Variants in AFG2A observed in about 807,000 individuals in gnomAD.
AFG2A encodes ATPase family gene 2 protein homolog A.
the AFG2A span, among the ~76,000 whole-genome samples, chr4:123,115,962 C>T: frequency 6.6e-6 from 1 of 152,132 alleles, no homozygotes; most frequent in Non-Finnish European, 1.5e-5. Context: ...TTCAGTGGGG[C>T]AATCGTGGCT....
the AFG2A span, among the ~76,000 whole-genome samples, chr4:123,076,963 T>C: frequency 6.7e-6 from 1 of 148,594 alleles, no homozygotes; most frequent in South Asian, 2.2e-4. Flanking sequence ...CTGTGCTGTG[T>C]GTGTGTGTGT....
the AFG2A span, among the ~76,000 whole-genome samples, chr4:123,211,386 A>G: frequency 6.6e-6 from 1 of 152,108 alleles, no homozygotes; most frequent in Non-Finnish European, 1.5e-5. Context: ...GTGAGGTAGA[A>G]AAGGCCTTAG....
chr4:123,286,629 CT>C, the AFG2A span, among the ~76,000 whole-genome samples: 1 of 152,078 alleles, frequency 6.6e-6, no homozygotes, highest in African/African-American at 2.4e-5. Flanking sequence ...CAACATATTT[CT>C]GGAAAACAGA....
chr4:123,044,939 T>G, the AFG2A span, among the ~76,000 whole-genome samples: 2 of 152,050 alleles, frequency 1.3e-5, no homozygotes, highest in Non-Finnish European at 2.9e-5. Context: ...TTTTATGTTT[T>G]CTATCTTTTC....
chr4:123,313,654 T>C, the AFG2A span, among the ~76,000 whole-genome samples: 1 of 152,238 alleles, frequency 6.6e-6, no homozygotes, highest in Non-Finnish European at 1.5e-5. Context: ...TTGGCACTCC[T>C]GGTTCTGAGT....
At chr4:123,168,870 G>A in the AFG2A span, among the ~76,000 whole-genome samples, 1 of 152,170 alleles carries the variant, frequency 6.6e-6, no homozygotes, top group African/African-American at 2.4e-5. Flanking sequence ...CTAATTGTAG[G>A]TTATTGAGAT....
the AFG2A span, among the ~76,000 whole-genome samples, chr4:123,172,220 A>G: frequency 6.6e-6 from 1 of 152,208 alleles, no homozygotes; most frequent in Non-Finnish European, 1.5e-5. Flanking sequence ...CCTGGCTTCA[A>G]TGATAAACAA....
At chr4:122,952,648 A>C in the AFG2A span, among the ~76,000 whole-genome samples, 333 of 152,270 alleles carry the variant, frequency 2.2e-3, 1 homozygote, top group Non-Finnish European at 3.9e-3. Context: ...CGCAGTTTGA[A>C]AGCTGGAAAA....
chr4:123,272,753 G>A, the AFG2A span, among the ~76,000 whole-genome samples: 10 of 151,888 alleles, frequency 6.6e-5, no homozygotes, highest in African/African-American at 2.4e-4. Flanking sequence ...GTAGAGAACT[G>A]AAGTCAAAAT....
chr4:122,950,540 AT>A, the AFG2A span, among the ~76,000 whole-genome samples: 1 of 152,060 alleles, frequency 6.6e-6, no homozygotes, highest in Non-Finnish European at 1.5e-5. Flanking sequence ...AGGTTTCACT[AT>A]GTTGGGCAGG....
At chr4:123,187,040 G>T in the AFG2A span, among the ~76,000 whole-genome samples, 1 of 152,224 alleles carries the variant, frequency 6.6e-6, no homozygotes, top group African/African-American at 2.4e-5. Context: ...AGATACAAAG[G>T]GAAAGGCTTG....
the AFG2A span, among the ~76,000 whole-genome samples, chr4:122,967,728 C>T: frequency 2.6e-5 from 4 of 152,020 alleles, no homozygotes; most frequent in Admixed American, 1.3e-4. Context: ...GTCTTAAACT[C>T]GTGGCCTCAA....
At chr4:123,028,972 G>A in the AFG2A span, among the ~76,000 whole-genome samples, 11 of 152,148 alleles carry the variant, frequency 7.2e-5, no homozygotes, top group Admixed American at 4.6e-4. Context: ...TTAATTTTAT[G>A]TAACATTATG....
At chr4:123,227,582 G>A in the AFG2A span, among the ~76,000 whole-genome samples, 1 of 152,154 alleles carries the variant, frequency 6.6e-6, no homozygotes, top group Non-Finnish European at 1.5e-5. Flanking sequence ...GAGACAGTCT[G>A]TTATAATTTC....
chr4:123,162,608 A>C, the AFG2A span, among the ~76,000 whole-genome samples: 15 of 152,228 alleles, frequency 9.9e-5, no homozygotes, highest in African/African-American at 3.4e-4. Flanking sequence ...GTCTCAAATA[A>C]ATACAAAATA....
At chr4:123,071,953 A>G in the AFG2A span, among the ~76,000 whole-genome samples, 1 of 152,198 alleles carries the variant, frequency 6.6e-6, no homozygotes, top group African/African-American at 2.4e-5. Context: ...TAAATAAGGA[A>G]CTTTTATTTT....
At chr4:123,117,654 C>G in the AFG2A span, among the ~76,000 whole-genome samples, 5 of 151,676 alleles carry the variant, frequency 3.3e-5, no homozygotes, top group African/African-American at 1.2e-4. Context: ...TACCCACAGT[C>G]CATTAACTAA....
chr4:123,020,390 C>T, the AFG2A span, among the ~76,000 whole-genome samples: 800 of 146,636 alleles, frequency 5.5e-3, 7 homozygotes, highest in African/African-American at 0.018. Context: ...TTTTCTGAGA[C>T]GGACTTTCAC....
the AFG2A span, among the ~76,000 whole-genome samples, chr4:123,042,429 C>T: frequency 2.6e-5 from 4 of 152,110 alleles, no homozygotes; most frequent in African/African-American, 9.7e-5. Context: ...CTAATTACTT[C>T]CCAAGGGCCC....
Sources: allele counts gnomAD v4.1 joint callset (sites outside exome capture counted in the v4.1 genomes callset), GRCh38; gene constraint gnomAD v4.1.1; transcripts MANE v1.5; gene names NCBI Gene and HGNC (gene_info 2026-07-23, HGNC 2026-07-21).